CACNA1C: variants seen among roughly 807,000 people sequenced by gnomAD.
CACNA1C encodes calcium voltage-gated channel subunit alpha1 C.
A neutral mutation model predicts 229.0 loss-of-function variants in CACNA1C; 30 were observed. The observed-to-expected ratio is 0.13, with a 90% CI of 0.10 to 0.18. The LOEUF (loss-of-function observed/expected upper bound fraction) is 0.18, where lower values mean the gene tolerates loss of function less well. Ranked by LOEUF, CACNA1C falls within the 10% of genes least tolerant of loss-of-function variation. The probability of loss-of-function intolerance (pLI) is 1.00; values close to 1 mark genes in which losing one functional copy is unlikely to be tolerated. For synonymous variants in CACNA1C, 1,114 were observed against 1,132.5 expected (o/e 0.98, Z 0.33); for missense variants, 1,658 against 2,845.0 (o/e 0.58, Z 9.49).
rs1056302391 is a variant in CACNA1C at position 2,565,320 on chromosome 12, A to T, written c.1509-1102A>T. On this transcript the variant is annotated intron_variant, in intron 11 of 46. Coordinates refer to ENST00000399655, the MANE Select transcript of CACNA1C (RefSeq NM_000719.7). The stretch of plus-strand genomic sequence containing the variant: ...GTCTCTACTAAAAATACAAAAAATT[A>T]GCCGGGCGCGGTGGCGGGCGCCTGT... Among the ~76,000 whole-genome samples, 6 of 150,306 alleles carry T rather than the reference A, an allele frequency of 4.0e-5. No individual in the cohort carries two copies. In the South Asian group the frequency reaches 8.5e-4, roughly 21 times the overall value.
intron 1 of CACNA1C, among the ~76,000 whole-genome samples, chr12:2,076,052 A>T (rs1254873498): frequency 6.6e-6 from 1 of 152,132 alleles, no homozygotes; most frequent in African/African-American, 2.4e-5. Context: ...AGCCTGATAC[A>T]TAGGGCCTAT....
chr12:2,189,008 G>T (rs2097130758), intron 3 of CACNA1C, among the ~76,000 whole-genome samples: 1 of 150,176 alleles, frequency 6.7e-6, no homozygotes, highest in African/African-American at 2.5e-5. Flanking sequence ...CAGGAGAATG[G>T]TGTGAACCCA....
chr12:2,285,145 C>CT lies in CACNA1C; in HGVS notation c.478-163830dup, dbSNP rs2092427288. On this transcript the variant is annotated intron_variant, in intron 3 of 46. Transcript: ENST00000399655. The surrounding 1 kb of genome is among the most constrained non-coding windows in gnomAD (Gnocchi z 4.2). ...ACCTTGCTCCCTCTGTAGAAACACT[C>CT]TGTTTCTCTCCATTCCATCCCTGCG... Among the ~76,000 whole-genome samples, 1 of 152,200 alleles carries CT rather than the reference C, an allele frequency of 6.6e-6. No individual in the cohort carries two copies. Among genetic ancestry groups the CT allele is most frequent in the Non-Finnish European group, 1.5e-5 (1 of 68,038 alleles).
intron 3 of CACNA1C, among the ~76,000 whole-genome samples, chr12:2,128,291 A>G (rs2090943515): frequency 6.6e-6 from 1 of 152,212 alleles, no homozygotes; most frequent in Non-Finnish European, 1.5e-5. Flanking sequence ...ATGTGAAAAT[A>G]TTTTAAAGAT....
chr12:2,362,544 A>G (rs1336838299), intron 3 of CACNA1C, among the ~76,000 whole-genome samples: 1 of 152,186 alleles, frequency 6.6e-6, no homozygotes, highest in Non-Finnish European at 1.5e-5. Flanking sequence ...GTTCAAGACA[A>G]CACTTGTTCT....
At chr12:1,980,220 T>C (rs1056211142) in intron 1 of CACNA1C, among the ~76,000 whole-genome samples, 3 of 152,200 alleles carry the variant, frequency 2.0e-5, no homozygotes, top group African/African-American at 4.8e-5. Flanking sequence ...AATTCAAGTA[T>C]CTATCGATAG....
intron 9 of CACNA1C, among the ~76,000 whole-genome samples, chr12:2,516,362 C>T (rs2099796870): frequency 6.6e-6 from 1 of 152,110 alleles, no homozygotes; most frequent in African/African-American, 2.4e-5. Flanking sequence ...GAACTTGGCT[C>T]TTACTGGGAG....
At chr12:2,450,258 T>C (rs1049686521) in intron 4 of CACNA1C, among the ~76,000 whole-genome samples, 1 of 152,158 alleles carries the variant, frequency 6.6e-6, no homozygotes, top group Non-Finnish European at 1.5e-5. Context: ...GTGTAAGTTA[T>C]TAAAATGCAG....
chr12:2,170,312 CT>C (rs1175835633), intron 3 of CACNA1C, among the ~76,000 whole-genome samples: 1 of 152,184 alleles, frequency 6.6e-6, no homozygotes, highest in African/African-American at 2.4e-5. Context: ...AAGCCCTCTA[CT>C]CTGCTTTACC....
chr12:2,120,493 T>A, intron 3 of CACNA1C, 63 bp downstream of exon 3: 1 of 916,032 alleles, frequency 1.1e-6, no homozygotes, highest in Admixed American at 1.7e-5. Flanking sequence ...TCAGATCACA[T>A]AGATGCATGG....
intron 7 of CACNA1C, among the ~76,000 whole-genome samples, chr12:2,502,549 A>C (rs539040044): frequency 6.6e-6 from 1 of 152,356 alleles, no homozygotes; most frequent in African/African-American, 2.4e-5. Context: ...CACACTGGGA[A>C]TCTTCTTGCC....
At chr12:2,119,470 C>T (rs538874638) in intron 2 of CACNA1C, among the ~76,000 whole-genome samples, 12 of 152,182 alleles carry the variant, frequency 7.9e-5, no homozygotes, top group Non-Finnish European at 1.8e-4. Flanking sequence ...GGTATTATCA[C>T]ATTAGCTCAT....
Position 2,679,588 on chromosome 12 carries a change from G to A in CACNA1C, c.5236G>A (p.Glu1746Lys), listed in dbSNP as rs759468937. 1.2e-5 allele frequency: 19 copies of A among 1,613,572 alleles called. No individual in the cohort carries two copies. The highest frequency in any genetic ancestry group is 6.7e-5 in the African/African-American group (5 of 74,912). ...GGGCGACACTGAGTCGCCATCCCACGAGAAGCTGGTGGACTCCACCTTCAC... is the reference window on the plus strand; with the variant it reads ...GGGCGACACTGAGTCGCCATCCCACAAGAAGCTGGTGGACTCCACCTTCAC... ...SQGDTESPSH[E>K]KLVDSTFTPS... Residue 1746 changes from glutamate (E) to lysine (K), a missense_variant, in exon 42 of 47, where the codon GAG becomes AAG. Physicochemically the swap from Glu to Lys is moderately conservative, Grantham distance 56. This residue lies in a region of CACNA1C where 590 missense variants were observed against 700.8 expected (regional missense o/e 0.84). Transcript: ENST00000399655. The surrounding 1 kb of genome is among the most constrained non-coding windows in gnomAD (Gnocchi z 5.5).
chr12:2,004,553 G>A, intron 1 of CACNA1C: 2 of 1,404,956 alleles, frequency 1.4e-6, no homozygotes, highest in Non-Finnish European at 1.9e-6. Flanking sequence ...GAGGCCTTCC[G>A]GCTCCAGTCA....
chr12:2,293,809 C>G (rs1364593169), intron 3 of CACNA1C, among the ~76,000 whole-genome samples: 1 of 152,186 alleles, frequency 6.6e-6, no homozygotes, highest in African/African-American at 2.4e-5. Context: ...CTACCACGGC[C>G]TAAAATAGTG....
chr12:2,497,705 G>A (rs971959898), intron 7 of CACNA1C, among the ~76,000 whole-genome samples: 8 of 151,396 alleles, frequency 5.3e-5, no homozygotes, highest in African/African-American at 1.7e-4. Context: ...TTCTTCGACT[G>A]ATTTTTTTTT....
At chr12:2,232,227 G>GTTTTCTTTTTCTTT (rs2065455064) in intron 3 of CACNA1C, among the ~76,000 whole-genome samples, 1 of 73,574 alleles carries the variant, frequency 1.4e-5, no homozygotes, top group Non-Finnish European at 2.6e-5. Flanking sequence ...GTCTTTCCTT[G>GTTTTCTTTTTCTTT]TTTTTTTTTT....
At chr12:2,670,558 T>TTTTTA (rs2096506378) in intron 38 of CACNA1C, among the ~76,000 whole-genome samples, 1 of 152,054 alleles carries the variant, frequency 6.6e-6, no homozygotes, top group South Asian at 2.1e-4. Context: ...AATTAGCTGA[T>TTTTTA]TTTTAAAAAA....
At chr12:2,409,673 C>T (rs2098783830) in intron 3 of CACNA1C, among the ~76,000 whole-genome samples, 1 of 152,196 alleles carries the variant, frequency 6.6e-6, no homozygotes. Context: ...ATTGCGGGTC[C>T]TCTTTCTGTC....
Sources: allele counts gnomAD v4.1 joint callset (sites outside exome capture counted in the v4.1 genomes callset), GRCh38; gene constraint gnomAD v4.1.1; regional missense constraint gnomAD v4.1.1; non-coding constraint Gnocchi (gnomAD v3.1); transcripts MANE v1.5; gene names NCBI Gene and HGNC (gene_info 2026-07-23, HGNC 2026-07-21).